Variants in DIP2C observed in about 807,000 individuals in gnomAD.
The protein encoded by DIP2C is disco-interacting protein 2 homolog C.
DIP2C carries 33 observed loss-of-function variants against 192.4 expected under a neutral mutation model. The observed-to-expected ratio is 0.17, with a 90% CI of 0.13 to 0.23. DIP2C has a LOEUF of 0.23. Ranked by LOEUF, DIP2C falls within the 10% of genes least tolerant of loss-of-function variation. DIP2C has a pLI of 1.00. For synonymous variants in DIP2C, 979 were observed against 864.1 expected (o/e 1.13, Z -2.33); for missense variants, 1,537 against 2,110.1 (o/e 0.73, Z 5.32).
intron 1 of DIP2C, among the ~76,000 whole-genome samples, chr10:688,608 C>A (rs1162323485): frequency 7.0e-6 from 1 of 143,016 alleles, no homozygotes; most frequent in Non-Finnish European, 1.5e-5. Flanking sequence ...CCAGGATGAG[C>A]CCAGAGACGG....
At chr10:527,736 A>G (rs559037969) in intron 1 of DIP2C, among the ~76,000 whole-genome samples, 1 of 152,354 alleles carries the variant, frequency 6.6e-6, no homozygotes, top group African/African-American at 2.4e-5. Context: ...GATGAGTGAG[A>G]TGGTTGGCCT....
At chr10:608,108 CACACACCACACACACAGCCCCA>C (rs1852635924) in intron 1 of DIP2C, among the ~76,000 whole-genome samples, 6 of 143,118 alleles carry the variant, frequency 4.2e-5, no homozygotes, top group Non-Finnish European at 5.9e-5. Flanking sequence ...AAAAGGAACA[CACACACCACACACACAGCCCCA>C]ACACACACAC....
At chr10:642,783 C>T (rs373677399) in intron 1 of DIP2C, among the ~76,000 whole-genome samples, 14 of 152,380 alleles carry the variant, frequency 9.2e-5, no homozygotes, top group African/African-American at 3.1e-4. Flanking sequence ...CGTCTGTACC[C>T]TACAGCAGTG....
Position 317,294 on chromosome 10 carries a change from ACTG to A in DIP2C, c.3925-7205_3925-7203del, listed in dbSNP as rs1956816613. On this transcript the variant is annotated intron_variant, in intron 31 of 36. Coordinates refer to ENST00000280886, the MANE Select transcript of DIP2C (RefSeq NM_014974.3). Reference sequence around the variant, plus strand: ...AGCTGGTCATCAGGACCAGCCAAACACTGGCTTTCGTAAAGTTTGACTGAAGCA... The same window carrying A: ...AGCTGGTCATCAGGACCAGCCAAACAGCTTTCGTAAAGTTTGACTGAAGCA... 2.0e-5 allele frequency among the ~76,000 whole-genome samples: 3 copies of A among 152,280 alleles called. No individual in the cohort carries two copies. The South Asian group carries it at 6.2e-4, about 32-fold the overall frequency.
intron 1 of DIP2C, among the ~76,000 whole-genome samples, chr10:580,584 A>AATG (rs1249067920): frequency 2.0e-5 from 3 of 152,348 alleles, no homozygotes; most frequent in Non-Finnish European, 2.9e-5. Context: ...TGTAGTGTAC[A>AATG]TACCTATACA....
chr10:382,597 G>C (rs1406488042), intron 17 of DIP2C, 50 bp downstream of exon 17: 2 of 1,453,506 alleles, frequency 1.4e-6, no homozygotes, highest in South Asian at 1.2e-5. Flanking sequence ...CTTCGCTGCT[G>C]AATTAGGACT....
At chr10:376,597 T>G (rs1469633984) in intron 17 of DIP2C, among the ~76,000 whole-genome samples, 1 of 151,044 alleles carries the variant, frequency 6.6e-6, no homozygotes, top group Non-Finnish European at 1.5e-5. Flanking sequence ...TACTCTGGTC[T>G]TGAATCACCA....
intron 1 of DIP2C, among the ~76,000 whole-genome samples, chr10:627,989 C>A (rs573593028): frequency 2.6e-4 from 40 of 152,332 alleles, no homozygotes; most frequent in Middle Eastern, 3.4e-3. Context: ...AATGCAGCAT[C>A]GGAATGTTTA....
chr10:590,424 C>A (rs1236595611), intron 1 of DIP2C, among the ~76,000 whole-genome samples: 1 of 152,202 alleles, frequency 6.6e-6, no homozygotes, highest in African/African-American at 2.4e-5. Context: ...CAGAGGTGAC[C>A]CTGGTGACAC....
chr10:433,770 A>G (rs1329210135), intron 4 of DIP2C, among the ~76,000 whole-genome samples: 1 of 152,184 alleles, frequency 6.6e-6, no homozygotes, highest in Non-Finnish European at 1.5e-5. Context: ...TTATATCTAA[A>G]GTAGATTTCT....
intron 1 of DIP2C, among the ~76,000 whole-genome samples, chr10:543,460 C>A (rs1181552501): frequency 6.6e-6 from 1 of 152,232 alleles, no homozygotes; most frequent in Non-Finnish European, 1.5e-5. Context: ...TACTGCACCA[C>A]TAAAGACCAT....
chr10:278,440 T>C (rs1031248637), intron 36 of DIP2C, among the ~76,000 whole-genome samples: 1 of 81,182 alleles, frequency 1.2e-5, no homozygotes, highest in Middle Eastern at 8.2e-3. Context: ...GCCTGTGCCA[T>C]TGCAAGGATG....
chr10:468,809 T>C (rs569563831), intron 3 of DIP2C, among the ~76,000 whole-genome samples: 1 of 152,242 alleles, frequency 6.6e-6, no homozygotes, highest in South Asian at 2.1e-4. Flanking sequence ...TACCCAACTT[T>C]TAAAAACTAC....
At chr10:600,740 CT>C (rs754632374) in intron 1 of DIP2C, among the ~76,000 whole-genome samples, 2 of 152,240 alleles carry the variant, frequency 1.3e-5, no homozygotes, top group Non-Finnish European at 2.9e-5. Flanking sequence ...TCATTTCATT[CT>C]CCAAACTATT....
intron 1 of DIP2C, among the ~76,000 whole-genome samples, chr10:618,900 C>T (rs1853651619): frequency 6.6e-6 from 1 of 152,222 alleles, no homozygotes; most frequent in South Asian, 2.1e-4. Context: ...TTTTCCAGAA[C>T]TTAACAAAAC....
At chr10:541,466 G>A (rs1301148577) in intron 1 of DIP2C, among the ~76,000 whole-genome samples, 6 of 135,428 alleles carry the variant, frequency 4.4e-5, no homozygotes, top group African/African-American at 1.7e-4. Flanking sequence ...CCCCCCGAGT[G>A]ACCCTCCACC....
intron 10 of DIP2C, among the ~76,000 whole-genome samples, chr10:394,200 GAGCCGGCACACTGGGCGCTATTC>G (rs1963746515): frequency 6.6e-6 from 1 of 152,246 alleles, no homozygotes; most frequent in Non-Finnish European, 1.5e-5. Context: ...AGAGCAGGCA[GAGCCGGCACACTGGGCGCTATTC>G]AGCCTTCAGC....
At chr10:571,981 T>C (rs777530012) in intron 1 of DIP2C, among the ~76,000 whole-genome samples, 4 of 152,244 alleles carry the variant, frequency 2.6e-5, no homozygotes, top group Non-Finnish European at 5.9e-5. Context: ...AAATATGTTC[T>C]TGGTTTCATG....
intron 26 of DIP2C, among the ~76,000 whole-genome samples, chr10:347,354 C>T (rs1958531943): frequency 8.1e-6 from 1 of 124,056 alleles, no homozygotes; most frequent in Non-Finnish European, 1.7e-5. Context: ...TCACACACAC[C>T]CAACCCAGAC....
Sources: allele counts gnomAD v4.1 joint callset (sites outside exome capture counted in the v4.1 genomes callset), GRCh38; gene constraint gnomAD v4.1.1; transcripts MANE v1.5; gene names NCBI Gene and HGNC (gene_info 2026-07-23, HGNC 2026-07-21).